Variants in TTC39C observed in about 807,000 individuals in gnomAD.
The protein encoded by TTC39C is tetratricopeptide repeat protein 39C.
A neutral mutation model predicts 76.3 loss-of-function variants in TTC39C; 33 were observed. The ratio of observed to expected loss-of-function variants is 0.43; its 90% CI spans 0.33 to 0.58. The LOEUF (loss-of-function observed/expected upper bound fraction) is 0.58, where lower values mean the gene tolerates loss of function less well. TTC39C is among the 20% of genes least tolerant of loss of function. The pLI is 0.04. For missense variants in TTC39C, 595 were observed against 701.4 expected (o/e 0.85, Z 1.71); for synonymous variants, 254 against 260.6 (o/e 0.97, Z 0.24).
At chr18:24,075,307 A>T (rs2084289555) in intron 4 of TTC39C, among the ~76,000 whole-genome samples, 1 of 152,184 alleles carries the variant, frequency 6.6e-6, no homozygotes, top group South Asian at 2.1e-4. Flanking sequence ...AATTAAAAAA[A>T]AAAAAGTCTG....
chr18:24,001,928 C>A (rs2083316366), intron 1 of TTC39C, among the ~76,000 whole-genome samples: 1 of 148,430 alleles, frequency 6.7e-6, no homozygotes, highest in African/African-American at 2.5e-5. Flanking sequence ...CGGGTTCACG[C>A]CATTCTCCTG....
At chr18:24,080,354 G>C (rs532695503) in intron 4 of TTC39C, among the ~76,000 whole-genome samples, 1 of 152,136 alleles carries the variant, frequency 6.6e-6, no homozygotes. Flanking sequence ...AGAACAATGA[G>C]CAGAAACACA....
chr18:24,069,194 G>A lies in TTC39C; in HGVS notation c.383G>A (p.Arg128Gln), dbSNP rs779953904. 4.3e-6 allele frequency: 7 copies of A among 1,614,002 alleles called. No homozygotes were observed. Among genetic ancestry groups the A allele is most frequent in the Admixed American group, 1.7e-5 (1 of 60,020 alleles). ...AAATCCGCCCCCTCTATGGTTGATC[G>A]GCTTCAGAGGCAGATAATCATAGCT... ...VRKSAPSMVDRLQRQIIIADC... is the reference protein window; with the variant it reads ...VRKSAPSMVDQLQRQIIIADC... The change falls in exon 4 of 14, where the codon CGG becomes CAG. Residue 128 changes from arginine to glutamine, a missense_variant. Arg to Gln is a conservative substitution (Grantham distance 43, BLOSUM62 1). Coordinates refer to ENST00000317571, the MANE Select transcript of TTC39C (RefSeq NM_001135993.2).
intron 2 of TTC39C, among the ~76,000 whole-genome samples, chr18:24,064,740 T>C (rs757019270): frequency 1.3e-5 from 2 of 152,084 alleles, no homozygotes; most frequent in Non-Finnish European, 2.9e-5. Flanking sequence ...TTTAAAAGAC[T>C]ATTAATGAAT....
At chr18:24,110,699 T>C (rs150556024) in intron 6 of TTC39C, among the ~76,000 whole-genome samples, 128 of 152,326 alleles carry the variant, frequency 8.4e-4, no homozygotes, top group Middle Eastern at 6.8e-3. Context: ...AAAAATATGC[T>C]CCATCTTTCA....
chr18:24,083,664 A>G (rs1969267108), intron 6 of TTC39C, among the ~76,000 whole-genome samples: 1 of 152,228 alleles, frequency 6.6e-6, no homozygotes, highest in African/African-American at 2.4e-5. Flanking sequence ...ACAGGGATCT[A>G]AGAGGGCTTC....
intron 4 of TTC39C, among the ~76,000 whole-genome samples, chr18:24,076,269 C>G (rs182272126): frequency 6.6e-6 from 1 of 152,164 alleles, no homozygotes; most frequent in African/African-American, 2.4e-5. Context: ...CATGAGCCAC[C>G]GCGCCCGGCC....
chr18:24,062,107 C>G (rs913510105), intron 1 of TTC39C, among the ~76,000 whole-genome samples: 1 of 152,186 alleles, frequency 6.6e-6, no homozygotes, highest in Non-Finnish European at 1.5e-5. Context: ...TCTTTTCCCC[C>G]CTCTTAAATG....
intron 1 of TTC39C, among the ~76,000 whole-genome samples, chr18:24,005,322 G>A (rs1031310556): frequency 4.6e-5 from 7 of 152,242 alleles, no homozygotes; most frequent in Middle Eastern, 3.4e-3. Context: ...CACCCAGCAC[G>A]TAGTGATGCT....
chr18:24,132,440 A>G (rs987508417), intron 13 of TTC39C, 45 bp from the exon 14 acceptor site: 4 of 1,570,946 alleles, frequency 2.5e-6, no homozygotes, highest in Non-Finnish European at 3.5e-6. Flanking sequence ...ACCCTGTGCA[A>G]GCTTAGCTAA....
At chr18:24,098,714 C>T (rs926903415) in intron 6 of TTC39C, among the ~76,000 whole-genome samples, 1 of 151,458 alleles carries the variant, frequency 6.6e-6, no homozygotes, top group Non-Finnish European at 1.5e-5. Context: ...TTCATTGCAA[C>T]CTCTGCCTCC....
Position 24,130,380 on chromosome 18 carries a change from G to T in TTC39C, c.1586G>T (p.Cys529Phe), listed in dbSNP as rs774155490. The T allele has an allele frequency of 9.5e-6, 15 of 1,583,360 alleles. No homozygotes were observed. In the East Asian group the frequency reaches 3.2e-4, roughly 34 times the overall value. Residue 529 changes from cysteine to phenylalanine, a missense_variant, in exon 12 of 14, where the codon TGT becomes TTT. Coordinates refer to ENST00000317571, the MANE Select transcript of TTC39C (RefSeq NM_001135993.2). ...QNNLYVQPYACYELGCLLLDK... is the reference protein window; with the variant it reads ...QNNLYVQPYAFYELGCLLLDK... Reference sequence around the variant, plus strand: ...AACTTATATGTTCAGCCGTATGCCTGTTATGAACTTGGCTGTCTTCTATTA... The same window carrying T: ...AACTTATATGTTCAGCCGTATGCCTTTTATGAACTTGGCTGTCTTCTATTA...
intron 12 of TTC39C, 124 bp from the exon 13 acceptor site, chr18:24,131,758 G>T: frequency 1.4e-6 from 1 of 690,110 alleles, no homozygotes; most frequent in Non-Finnish European, 2.4e-6. Flanking sequence ...ATACTTGAAT[G>T]AACAGTTGAC....
chr18:24,054,747 T>G (rs1215725333), intron 1 of TTC39C, among the ~76,000 whole-genome samples: 2 of 152,250 alleles, frequency 1.3e-5, no homozygotes, highest in Non-Finnish European at 2.9e-5. Context: ...TGTGGTAAAA[T>G]ATACATAACA....
intron 1 of TTC39C, among the ~76,000 whole-genome samples, chr18:24,001,371 C>T (rs963477289): frequency 1.3e-5 from 2 of 152,170 alleles, no homozygotes; most frequent in Non-Finnish European, 2.9e-5. Flanking sequence ...AGGAATTAAT[C>T]AATTAACCTC....
intron 1 of TTC39C, among the ~76,000 whole-genome samples, chr18:24,008,845 T>C (rs2083374037): frequency 6.6e-6 from 1 of 152,230 alleles, no homozygotes; most frequent in South Asian, 2.1e-4. Flanking sequence ...GTGGCACATA[T>C]ATACCGTGGA....
intron 6 of TTC39C, among the ~76,000 whole-genome samples, chr18:24,096,441 T>C (rs1029829726): frequency 6.6e-6 from 1 of 152,230 alleles, no homozygotes; most frequent in Non-Finnish European, 1.5e-5. Flanking sequence ...CACATTGTTG[T>C]TATAATGATA....
chr18:24,104,053 T>A (rs2084714033), intron 6 of TTC39C, among the ~76,000 whole-genome samples: 2 of 151,726 alleles, frequency 1.3e-5, no homozygotes, highest in South Asian at 4.2e-4. Flanking sequence ...TACCTCAACC[T>A]CTTGAGTAGC....
chr18:24,124,983 C>A (rs1330195359), intron 9 of TTC39C, among the ~76,000 whole-genome samples: 1 of 152,222 alleles, frequency 6.6e-6, no homozygotes, highest in Admixed American at 6.5e-5. Context: ...ACCTCCGCCT[C>A]CCAGGTTCAA....
Sources: gnomAD v4.1 joint callset for allele counts (sites outside exome capture counted in the v4.1 genomes callset) on GRCh38, gnomAD v4.1.1 for gene constraint, MANE v1.5 for transcripts, NCBI Gene and HGNC (gene_info 2026-07-23, HGNC 2026-07-21) for gene names.